MMP26: variants seen among roughly 807,000 people sequenced by gnomAD.
The protein encoded by MMP26 is matrix metallopeptidase 26, also known as matrix metalloproteinase-26.
A neutral mutation model predicts 31.0 loss-of-function variants in MMP26; 33 were observed. That is an observed-to-expected ratio of 1.06 (90% CI 0.81 to 1.42). The LOEUF (loss-of-function observed/expected upper bound fraction) is 1.42, where lower values mean the gene tolerates loss of function less well. MMP26 is among the 40% of genes most tolerant of loss of function. The pLI, the probability that MMP26 is intolerant of heterozygous loss-of-function variation, is 0.00. For missense variants in MMP26, 347 were observed against 316.1 expected (o/e 1.10, Z -0.74); for synonymous variants, 122 against 114.9 (o/e 1.06, Z -0.40).
intron 2 of MMP26, among the ~76,000 whole-genome samples, chr11:4,767,612 A>G (rs1564904501): frequency 1.3e-5 from 2 of 152,324 alleles, no homozygotes; most frequent in South Asian, 2.1e-4. Context: ...TTATATAAAT[A>G]TTTAAAAGAA....
intron 2 of MMP26, among the ~76,000 whole-genome samples, chr11:4,930,780 A>G (rs1851336027): frequency 6.6e-6 from 1 of 152,060 alleles, no homozygotes; most frequent in South Asian, 2.1e-4. Context: ...ACTCAAAAAT[A>G]GTTTTTGATT....
chr11:4,727,523 T>C (rs1848117114), intron 1 of MMP26, among the ~76,000 whole-genome samples: 1 of 152,054 alleles, frequency 6.6e-6, no homozygotes, highest in Non-Finnish European at 1.5e-5. Flanking sequence ...TAAAAAAAAA[T>C]ACTTGGCTGG....
At chr11:4,736,795 G>A (rs973618692) in intron 1 of MMP26, 4 of 152,392 alleles carry the variant, frequency 2.6e-5, no homozygotes, top group African/African-American at 4.8e-5. Flanking sequence ...AATGAAGAAC[G>A]TCTGGGCAAC....
chr11:4,738,413 C>T (rs962223178), intron 1 of MMP26, among the ~76,000 whole-genome samples: 5 of 152,036 alleles, frequency 3.3e-5, no homozygotes, highest in African/African-American at 4.8e-5. Context: ...TTAAGACTGC[C>T]ACCGTGAGAA....
chr11:4,961,958 T>C (rs943345928), intron 2 of MMP26, among the ~76,000 whole-genome samples: 2 of 152,208 alleles, frequency 1.3e-5, no homozygotes, highest in African/African-American at 2.4e-5. Flanking sequence ...TAGAACAGAA[T>C]TGGCATTTTC....
intron 1 of MMP26, among the ~76,000 whole-genome samples, chr11:4,766,512 A>G (rs1848630757): frequency 6.6e-6 from 1 of 152,176 alleles, no homozygotes; most frequent in Non-Finnish European, 1.5e-5. Context: ...CTTTGACTCT[A>G]ACAATTAGAT....
chr11:4,960,325 ATT>A lies in MMP26; in HGVS notation c.-144-27732_-144-27731del, dbSNP rs71050442. 4.0e-5 allele frequency among the ~76,000 whole-genome samples: 6 copies of A among 148,920 alleles called. No individual in the cohort carries two copies. In the South Asian group the frequency reaches 6.3e-4, roughly 16 times the overall value. ...AAAATGCCTGTGTGCTATGTGCCTG[ATT>A]TTTTTTTTTTCTGTAATGTTAGTTT... is the stretch of plus-strand genomic sequence containing the variant. On this transcript the variant is annotated intron_variant, in intron 2 of 7. Transcript: ENST00000380390.
rs73397031 is a variant in MMP26, at chr11:4,768,033, A to T, written c.-145+692A>T. Among the ~76,000 whole-genome samples, 678 of 152,140 alleles carry T rather than the reference A, an allele frequency of 4.5e-3. 4 individuals are homozygous for T. The highest frequency in any genetic ancestry group is 0.015 in the African/African-American group (609 of 41,422). Reference sequence around the variant, plus strand: ...TATGAATTCTTTACCTTGGTTCTTTAGCTGGTTAAGGAGTCACATAGGTCT... The same window carrying T: ...TATGAATTCTTTACCTTGGTTCTTTTGCTGGTTAAGGAGTCACATAGGTCT... On this transcript the variant is annotated intron_variant, in intron 2 of 7. Coordinates refer to ENST00000380390, the MANE Select transcript of MMP26 (RefSeq NM_021801.5).
intron 2 of MMP26, among the ~76,000 whole-genome samples, chr11:4,975,361 A>G (rs748345112): frequency 5.3e-5 from 8 of 152,104 alleles, no homozygotes; most frequent in Middle Eastern, 3.4e-3. Context: ...CCAACTACCA[A>G]CTGAAGGCTT....
intron 2 of MMP26, chr11:4,848,553 A>AG (rs1416982430): frequency 6.2e-7 from 1 of 1,611,848 alleles, no homozygotes; most frequent in African/African-American, 1.3e-5. Flanking sequence ...GAAAATAAGC[A>AG]GGGGGTCCAA....
At chr11:4,956,011 G>A (rs78108380) in intron 2 of MMP26, among the ~76,000 whole-genome samples, 13 of 152,202 alleles carry the variant, frequency 8.5e-5, no homozygotes, top group South Asian at 8.3e-4. Context: ...TTAGTTACAC[G>A]TCTGATTTTA....
intron 1 of MMP26, among the ~76,000 whole-genome samples, chr11:4,720,926 C>T (rs1305731911): frequency 1.3e-5 from 2 of 152,152 alleles, no homozygotes; most frequent in African/African-American, 2.4e-5. Context: ...GAGATTATTG[C>T]TGGAAGTGTG....
chr11:4,985,281 G>A (rs971106108), intron 2 of MMP26, among the ~76,000 whole-genome samples: 2 of 152,030 alleles, frequency 1.3e-5, no homozygotes, highest in Non-Finnish European at 2.9e-5. Context: ...ATATAATAAG[G>A]TCTATATCAC....
chr11:4,871,951 A>T (rs780864452), intron 2 of MMP26: 1 of 152,108 alleles, frequency 6.6e-6, no homozygotes, highest in Admixed American at 6.6e-5. Context: ...CTAAATGTTG[A>T]TCTTCTCCTT....
chr11:4,967,384 T>C (rs909106877), intron 2 of MMP26, among the ~76,000 whole-genome samples: 7 of 152,218 alleles, frequency 4.6e-5, no homozygotes, highest in African/African-American at 1.7e-4. Context: ...ATACGTTTTC[T>C]TTACCGAAAC....
intron 2 of MMP26, among the ~76,000 whole-genome samples, chr11:4,892,401 C>G (rs191368541): frequency 8.0e-4 from 122 of 152,234 alleles, no homozygotes; most frequent in Non-Finnish European, 1.3e-3. Flanking sequence ...AAGCAGAGTC[C>G]ATGTATCCCT....
At chr11:4,936,404 C>T (rs974380576) in intron 2 of MMP26, among the ~76,000 whole-genome samples, 3 of 152,002 alleles carry the variant, frequency 2.0e-5, no homozygotes, top group African/African-American at 7.3e-5. Context: ...GTTTGTATTT[C>T]TGTAGGATTG....
In MMP26 at chr11:4,773,001, A is replaced by G. The variant is rs1848746003; in HGVS notation, c.-145+5660A>G. 2.6e-5 allele frequency among the ~76,000 whole-genome samples: 4 copies of G among 152,190 alleles called. No individual in the cohort carries two copies. In the South Asian group the frequency reaches 8.3e-4, roughly 32 times the overall value. ...GCATTCCCATCAACTGTTTTGACTA[A>G]TACTTCCACGACAAAAATGAACTAT... On this transcript the variant is annotated intron_variant, in intron 2 of 7. Transcript: ENST00000380390.
chr11:4,985,671 CT>C (rs1846875931), intron 2 of MMP26, among the ~76,000 whole-genome samples: 1 of 152,032 alleles, frequency 6.6e-6, no homozygotes. Flanking sequence ...ATGGGTGCCG[CT>C]TTTGGTACCT....
Sources: gnomAD v4.1 joint callset for allele counts (sites outside exome capture counted in the v4.1 genomes callset) on GRCh38, gnomAD v4.1.1 for gene constraint, MANE v1.5 for transcripts, NCBI Gene and HGNC (gene_info 2026-07-23, HGNC 2026-07-21) for gene names.